NDUFB2: variants seen among roughly 807,000 people sequenced by gnomAD.
The protein encoded by NDUFB2 is NADH dehydrogenase [ubiquinone] 1 beta subcomplex subunit 2, mitochondrial.
Under a neutral mutation model 13.4 loss-of-function variants are expected in NDUFB2, and 13 were observed. The observed-to-expected ratio is 0.97, with a 90% confidence interval of 0.63 to 1.54. The LOEUF (loss-of-function observed/expected upper bound fraction) is 1.54. Among genes scored for constraint, NDUFB2 ranks in the 40% most tolerant of loss-of-function variants. The pLI, the probability that NDUFB2 is intolerant of heterozygous loss-of-function variation, is 0.00. For missense variants in NDUFB2, 150 were observed against 139.7 expected (o/e 1.07, Z -0.37); for synonymous variants, 47 against 50.6 (o/e 0.93, Z 0.30).
intron 1 of NDUFB2, among the ~76,000 whole-genome samples, chr7:140,699,856 C>A (rs1324772605): frequency 6.7e-6 from 1 of 149,158 alleles, no homozygotes; most frequent in Non-Finnish European, 1.5e-5. Flanking sequence ...TTCAGGGTAT[C>A]TAGTTTGCCA....
chr7:140,703,721 T>C (rs1176230757), intron 2 of NDUFB2, among the ~76,000 whole-genome samples: 1 of 152,120 alleles, frequency 6.6e-6, no homozygotes, highest in East Asian at 1.9e-4. Flanking sequence ...AGTTAATTTG[T>C]CTTGAGAAGG....
chr7:140,701,985 C>A, intron 1 of NDUFB2: 2 of 693,770 alleles, frequency 2.9e-6, no homozygotes, highest in East Asian at 2.7e-5. Context: ...TATCAAGAAC[C>A]ACTGCCCTGT....
intron 1 of NDUFB2, chr7:140,697,936 G>A: frequency 8.2e-7 from 1 of 1,225,654 alleles, no homozygotes; most frequent in South Asian, 1.3e-5. Context: ...CTGGGCTCAA[G>A]TGATTCTCCA....
At position 140,697,463 on chromosome 7, in the gene NDUFB2, G is replaced by T. The variant is rs567411354; in HGVS notation, c.98+621G>T. On this transcript the variant is annotated intron_variant, in intron 1 of 3. Coordinates refer to ENST00000247866, the MANE Select transcript of NDUFB2 (RefSeq NM_004546.3). ...GTTTAGGAGAGTGACAGGCAGAGCC[G>T]CCCGCGAGGTGGCCCGAGACGCAGA... 15 of 697,126 alleles carry T rather than the reference G, an allele frequency of 2.2e-5. No homozygotes were observed. The South Asian group carries it at 2.2e-4, about 10-fold the overall frequency. 43.2% of individuals were successfully genotyped at this position (697,126 alleles called of 1,614,324 possible). A position where few individuals can be genotyped will look rare whatever the true frequency, so the allele number is the denominator to read the frequency against.
At chr7:140,699,947 C>T (rs6969779) in intron 1 of NDUFB2, among the ~76,000 whole-genome samples, 28,775 of 150,236 alleles carry the variant, frequency 0.19, 4,758 homozygotes, top group African/African-American at 0.45. Flanking sequence ...CATGGCAATC[C>T]TTGTCATTGT....
rs1285353829 is a variant in NDUFB2, at chr7:140,706,493, T to C, written c.*30-70T>C. On this transcript the variant is annotated intron_variant, in intron 3 of 3. Coordinates refer to ENST00000247866, the MANE Select transcript of NDUFB2 (RefSeq NM_004546.3). ...CTCAATAAATACTTGAATAATTGAA[T>C]AAATGAATTATGGATTTGAATTAGT... The C allele has an allele frequency of 2.0e-5, 3 of 152,286 alleles. No homozygotes were observed. In the East Asian group the frequency reaches 5.8e-4, roughly 29 times the overall value. 9.4% of individuals were successfully genotyped at this position (152,286 alleles called of 1,614,324 possible). A position where few individuals can be genotyped will look rare whatever the true frequency, so the allele number is the denominator to read the frequency against.
chr7:140,706,060 TTTATGTTATGTTATGTTATG>T (rs71522109), intron 3 of NDUFB2: 2 of 125,038 alleles, frequency 1.6e-5, no homozygotes, highest in Non-Finnish European at 3.2e-5. Context: ...TATGTTATGT[TTTATGTTATGTTATGTTATG>T]TTATGTTATG....
intron 2 of NDUFB2, among the ~76,000 whole-genome samples, chr7:140,703,425 C>A (rs2130802068): frequency 6.6e-6 from 1 of 152,006 alleles, no homozygotes; most frequent in East Asian, 1.9e-4. Flanking sequence ...CAGGTGTGCA[C>A]CCCCACGCCG....
In NDUFB2 at chr7:140,698,310, GAT is replaced by G. The variant is rs756556342; in HGVS notation, c.98+1470_98+1471del. The G allele has an allele frequency of 5.9e-6, 8 of 1,350,374 alleles. No individual in the cohort carries two copies. The Admixed American group carries it at 1.5e-4, about 26-fold the overall frequency. 83.6% of individuals were successfully genotyped at this position (1,350,374 alleles called of 1,614,324 possible). ...AACACACACTTGTTTCAGAGTGTGT[GAT>G]AATTAAGTGCATAAATGTTTATGGA... On this transcript the variant is annotated intron_variant, in intron 1 of 3. Transcript: ENST00000247866.
chr7:140,696,918 G>T, intron 1 of NDUFB2, 76 bp downstream of exon 1: 1 of 1,380,846 alleles, frequency 7.2e-7, no homozygotes, highest in South Asian at 1.2e-5. Context: ...CTCTCACCTT[G>T]ACTGGGGCGC....
chr7:140,705,101 CTTTT>C (rs878932531), intron 3 of NDUFB2, 138 bp downstream of exon 3: 403 of 340,820 alleles, frequency 1.2e-3, no homozygotes, highest in Non-Finnish European at 1.5e-3. Flanking sequence ...CCTGTATCTG[CTTTT>C]TTTTTTTTTT....
intron 2 of NDUFB2, among the ~76,000 whole-genome samples, chr7:140,703,273 ATT>A (rs10597210): frequency 0.19 from 22,929 of 119,944 alleles, 3,000 homozygotes; most frequent in African/African-American, 0.47. Flanking sequence ...CTAAAAGCTC[ATT>A]TTTTTTTTTT....
chr7:140,698,967 G>A (rs919136927), intron 1 of NDUFB2, among the ~76,000 whole-genome samples: 42 of 152,286 alleles, frequency 2.8e-4, no homozygotes, highest in African/African-American at 1.0e-3. Context: ...AGACCAGCCT[G>A]GCCAACACGG....
At chr7:140,702,075 TAAAAG>T in intron 1 of NDUFB2, 1 of 702,092 alleles carries the variant, frequency 1.4e-6, no homozygotes, top group South Asian at 1.5e-5. Context: ...CTGTGCTACA[TAAAAG>T]AGAATATGGT....
At chr7:140,697,280 A>C (rs941547709) in intron 1 of NDUFB2, 4 of 702,188 alleles carry the variant, frequency 5.7e-6, no homozygotes, top group Admixed American at 4.0e-5. Context: ...AATTTAGGGT[A>C]GAGTCTGTTC....
chr7:140,698,550 G>A (rs1794851607), intron 1 of NDUFB2, among the ~76,000 whole-genome samples: 1 of 152,148 alleles, frequency 6.6e-6, no homozygotes, highest in Non-Finnish European at 1.5e-5. Flanking sequence ...GATGGCGTGG[G>A]AATGCCTGGG....
chr7:140,703,904 C>T (rs1465384070), intron 2 of NDUFB2, among the ~76,000 whole-genome samples: 4 of 152,126 alleles, frequency 2.6e-5, no homozygotes, highest in African/African-American at 7.2e-5. Context: ...TGCAGGTGCC[C>T]GCCACCACTC....
chr7:140,698,878 C>T (rs1010288316), intron 1 of NDUFB2, among the ~76,000 whole-genome samples: 1 of 152,160 alleles, frequency 6.6e-6, no homozygotes, highest in Non-Finnish European at 1.5e-5. Context: ...GTAACTTTGT[C>T]CAGGCGCGGT....
intron 1 of NDUFB2, 44 bp from the exon 2 acceptor site, chr7:140,702,822 T>C: frequency 6.2e-7 from 1 of 1,608,896 alleles, no homozygotes; most frequent in Non-Finnish European, 8.5e-7. Flanking sequence ...ACTTAACGCT[T>C]TGAGAATGTA....
Sources: gnomAD v4.1 joint callset for allele counts (sites outside exome capture counted in the v4.1 genomes callset) on GRCh38, gnomAD v4.1.1 for gene constraint, MANE v1.5 for transcripts, NCBI Gene and HGNC (gene_info 2026-07-23, HGNC 2026-07-21) for gene names.